Variants in DCDC1 observed in about 807,000 individuals in gnomAD.
DCDC1 encodes doublecortin domain containing 1, also known as doublecortin domain-containing protein 1.
Under a neutral mutation model 178.3 loss-of-function variants are expected in DCDC1, and 200 were observed. The ratio of observed to expected loss-of-function variants is 1.12; its 90% confidence interval spans 1.00 to 1.26. The LOEUF is 1.26. Among genes scored for constraint, DCDC1 ranks in the 50% most tolerant of loss-of-function variants. The probability of loss-of-function intolerance (pLI) is 0.00; values close to 1 mark genes in which losing one functional copy is unlikely to be tolerated. For synonymous variants in DCDC1, 690 were observed against 604.8 expected, an observed-to-expected ratio of 1.14 and a Z score of -2.07; for missense variants, 1,983 against 1,749.2, an observed-to-expected ratio of 1.13 and a Z score of -2.38.
intron 33 of DCDC1, 79 bp downstream of exon 33, chr11:30,900,267 T>A: frequency 2.4e-6 from 3 of 1,262,318 alleles, no homozygotes; most frequent in Non-Finnish European, 3.1e-6. Flanking sequence ...ATTTAATTCA[T>A]TTTCTTATGA....
chr11:31,311,637 T>C (rs186981425), intron 3 of DCDC1, among the ~76,000 whole-genome samples: 1 of 152,288 alleles, frequency 6.6e-6, no homozygotes, highest in East Asian at 1.9e-4. Context: ...TATGTCAATG[T>C]TGGCCCAAAG....
At chr11:31,105,097 T>C (rs775939374) in intron 13 of DCDC1, among the ~76,000 whole-genome samples, 3 of 152,092 alleles carry the variant, frequency 2.0e-5, no homozygotes, top group Admixed American at 2.0e-4. Context: ...TATTTCAAAC[T>C]AGACGGCAAT....
intron 9 of DCDC1, among the ~76,000 whole-genome samples, chr11:31,232,462 C>A (rs926523454): frequency 3.3e-5 from 5 of 152,100 alleles, no homozygotes; most frequent in African/African-American, 9.7e-5. Context: ...CCAATTTTTT[C>A]TTTAATCCTA....
chr11:31,294,634 GA>G (rs1228857292), intron 6 of DCDC1, among the ~76,000 whole-genome samples: 5 of 3,124 alleles, frequency 1.6e-3, no homozygotes, highest in East Asian at 7.7e-3. Context: ...GGGAGGGAGG[GA>G]AGGGGAGGGG....
chr11:31,272,162 A>T (rs957771766), intron 7 of DCDC1, among the ~76,000 whole-genome samples: 1 of 16,676 alleles, frequency 6.0e-5, no homozygotes, highest in Non-Finnish European at 1.0e-4. Context: ...ACTCCATCTA[A>T]AAAAAAAAAA....
intron 38 of DCDC1, among the ~76,000 whole-genome samples, chr11:30,876,023 G>A (rs1334917465): frequency 3.3e-5 from 5 of 152,142 alleles, no homozygotes; most frequent in African/African-American, 4.8e-5. Flanking sequence ...AAGCTAGAGC[G>A]ATGGGCAGAA....
Position 30,920,911 on chromosome 11 carries a change from T to G in DCDC1, c.3158A>C (p.Asp1053Ala), listed in dbSNP as rs1454814203. The change falls in exon 25 of 39, where the codon GAC becomes GCC. Residue 1053 changes from aspartate (D) to alanine (A), a missense_variant. Coordinates refer to ENST00000684477, the MANE Select transcript of DCDC1 (RefSeq NM_001387274.1). ...AGCAAGCTTGCTTCCAGATACAATG[T>G]CACTTTGGACTTCTAAAACAAGAGC... is the stretch of plus-strand genomic sequence containing the variant. ...IEALVLEVQS[D>A]IVSGSKLAVH... 6.2e-7 allele frequency: 1 copy of G among 1,612,086 alleles called. No individual in the cohort carries two copies. The highest frequency in any genetic ancestry group is 1.7e-5 in the Admixed American group (1 of 59,760).
At chr11:30,908,341 A>G (rs1398680958) in intron 29 of DCDC1, among the ~76,000 whole-genome samples, 1 of 152,198 alleles carries the variant, frequency 6.6e-6, no homozygotes, top group Admixed American at 6.5e-5. Context: ...AAACCCCATT[A>G]AGGGGCATTC....
chr11:30,925,540 A>T, intron 22 of DCDC1, 132 bp from the exon 23 acceptor site: 1 of 758,864 alleles, frequency 1.3e-6, no homozygotes, highest in Non-Finnish European at 2.1e-6. Context: ...CATGAGCTGG[A>T]CTCTGGGGCC....
chr11:30,943,027 G>A (rs1315176151), intron 21 of DCDC1, among the ~76,000 whole-genome samples: 2 of 152,110 alleles, frequency 1.3e-5, no homozygotes, highest in Non-Finnish European at 2.9e-5. Flanking sequence ...TAATTAAACT[G>A]ACTGGAGTGC....
chr11:31,338,858 C>T (rs1384568381), intron 1 of DCDC1, among the ~76,000 whole-genome samples: 1 of 152,150 alleles, frequency 6.6e-6, no homozygotes, highest in East Asian at 1.9e-4. Context: ...GCCCTCCAGA[C>T]TTTTATATGA....
At chr11:31,124,741 T>G (rs1961348171) in intron 11 of DCDC1, among the ~76,000 whole-genome samples, 1 of 152,078 alleles carries the variant, frequency 6.6e-6, no homozygotes, top group Non-Finnish European at 1.5e-5. Flanking sequence ...AGGAGGAAAT[T>G]GAAACTGGAT....
chr11:31,050,920 G>A (rs1203720584), intron 20 of DCDC1, among the ~76,000 whole-genome samples: 1 of 152,002 alleles, frequency 6.6e-6, no homozygotes, highest in African/African-American at 2.4e-5. Flanking sequence ...GACAAAACAA[G>A]GCTCTTCAAC....
In DCDC1 at chr11:31,281,443, A is replaced by AT. The variant is rs1003675579; in HGVS notation, c.960+9203dup. 4.6e-5 allele frequency among the ~76,000 whole-genome samples: 7 copies of AT among 151,458 alleles called. No individual in the cohort carries two copies. In the South Asian group the frequency reaches 8.4e-4, roughly 18 times the overall value. ...CTTCTATTTCAAGTTTGCTATGAAA[A>AT]TTTTTTTTTGTTTTTTTAATAAGTG... On this transcript the variant is annotated intron_variant, in intron 7 of 38. Transcript: ENST00000684477.
At chr11:31,118,582 A>G (rs1343799410) in intron 11 of DCDC1, among the ~76,000 whole-genome samples, 1 of 152,202 alleles carries the variant, frequency 6.6e-6, no homozygotes, top group Non-Finnish European at 1.5e-5. Context: ...CAACTTGAAC[A>G]TATCAAACAC....
chr11:30,903,409 G>T, intron 32 of DCDC1, 73 bp downstream of exon 32: 1 of 1,305,446 alleles, frequency 7.7e-7, no homozygotes, highest in South Asian at 2.3e-5. Context: ...CTGACTAAAT[G>T]AAATAATCAT....
intron 9 of DCDC1, among the ~76,000 whole-genome samples, chr11:31,185,991 A>C (rs189093564): frequency 6.6e-6 from 1 of 152,258 alleles, no homozygotes; most frequent in East Asian, 1.9e-4. Context: ...TCGTTTAGAT[A>C]ATGCTCTCAA....
intron 21 of DCDC1, among the ~76,000 whole-genome samples, chr11:30,932,745 G>A (rs1173955628): frequency 2.0e-5 from 3 of 152,128 alleles, no homozygotes; most frequent in Admixed American, 1.3e-4. Flanking sequence ...TGAAGCCTTC[G>A]TAGGAGTTAA....
At chr11:31,213,108 T>TTTCTCTCTCTCTCTCTC in intron 9 of DCDC1, among the ~76,000 whole-genome samples, 1 of 26,380 alleles carries the variant, frequency 3.8e-5, no homozygotes, top group Non-Finnish European at 1.1e-4. Context: ...AGCCTCTCTC[T>TTTCTCTCTCTCTCTCTC]CTCTCTCTCT....
Sources: allele counts gnomAD v4.1 joint callset (sites outside exome capture counted in the v4.1 genomes callset), GRCh38; gene constraint gnomAD v4.1.1; transcripts MANE v1.5; gene names NCBI Gene and HGNC (gene_info 2026-07-23, HGNC 2026-07-21).